HIVEP2: variants seen among roughly 807,000 people sequenced by gnomAD.
HIVEP2 encodes HIVEP zinc finger 2.
HIVEP2 carries 14 observed loss-of-function variants against 180.7 expected under a neutral mutation model. The observed-to-expected ratio is 0.08, with a 90% confidence interval of 0.05 to 0.12. The LOEUF (loss-of-function observed/expected upper bound fraction) is 0.12. HIVEP2 is among the 10% of genes least tolerant of loss of function. The pLI is 1.00. For missense variants in HIVEP2, 2,579 were observed against 3,008.5 expected (o/e 0.86, Z 3.34); for synonymous variants, 1,184 against 1,136.4 (o/e 1.04, Z -0.84).
intron 1 of HIVEP2, among the ~76,000 whole-genome samples, chr6:142,883,545 A>G (rs961406601): frequency 6.6e-6 from 1 of 152,156 alleles, no homozygotes; most frequent in Non-Finnish European, 1.5e-5. Flanking sequence ...CCTACACATA[A>G]AAGTGCAAAT....
chr6:142,826,946 G>A (rs573091679), intron 2 of HIVEP2, among the ~76,000 whole-genome samples: 3 of 152,242 alleles, frequency 2.0e-5, no homozygotes, highest in South Asian at 2.1e-4. Flanking sequence ...TTCAGCAAAC[G>A]TTTGTGGATT....
At chr6:142,807,111 G>A (rs959267262) in intron 2 of HIVEP2, among the ~76,000 whole-genome samples, 2 of 152,128 alleles carry the variant, frequency 1.3e-5, no homozygotes, top group African/African-American at 4.8e-5. Context: ...TAGAGGGGAT[G>A]GCAACCCAGG....
At chr6:142,942,366 A>T (rs4896608) in intron 1 of HIVEP2, among the ~76,000 whole-genome samples, 133,135 of 152,000 alleles carry the variant, frequency 0.88, 58,626 homozygotes, top group Middle Eastern at 0.95. Flanking sequence ...AAAGAGTCAA[A>T]CAGATCTTCT....
chr6:142,795,510 C>T (rs1265403911), intron 2 of HIVEP2, among the ~76,000 whole-genome samples: 1 of 152,104 alleles, frequency 6.6e-6, no homozygotes, highest in African/African-American at 2.4e-5. Context: ...CAATTTCTAT[C>T]AGACTTGCTC....
intron 3 of HIVEP2, among the ~76,000 whole-genome samples, chr6:142,780,697 A>G (rs1768373746): frequency 1.3e-5 from 2 of 152,228 alleles, no homozygotes; most frequent in Non-Finnish European, 2.9e-5. Flanking sequence ...ATAATCTATT[A>G]CTGAACATGG....
intron 1 of HIVEP2, among the ~76,000 whole-genome samples, chr6:142,883,779 G>C (rs1776632269): frequency 6.6e-6 from 1 of 152,080 alleles, no homozygotes; most frequent in East Asian, 1.9e-4. Context: ...TTTCTAATTA[G>C]ATGCATTGTG....
intron 1 of HIVEP2, among the ~76,000 whole-genome samples, chr6:142,867,433 G>A (rs554434243): frequency 4.5e-4 from 68 of 152,200 alleles, no homozygotes; most frequent in African/African-American, 1.6e-3. Flanking sequence ...AAAGTATCTG[G>A]CTTGAAGTGC....
intron 1 of HIVEP2, among the ~76,000 whole-genome samples, chr6:142,874,909 G>C (rs1174966751): frequency 6.6e-6 from 1 of 152,116 alleles, no homozygotes; most frequent in Non-Finnish European, 1.5e-5. Flanking sequence ...AGTGGTGAAT[G>C]AGTCAACAAA....
intron 1 of HIVEP2, among the ~76,000 whole-genome samples, chr6:142,886,691 G>T (rs960093176): frequency 1.3e-5 from 2 of 152,146 alleles, no homozygotes; most frequent in African/African-American, 4.8e-5. Flanking sequence ...ATTAGCCATA[G>T]AAATTTATCT....
At chr6:142,844,439 TG>T (rs1269363921) in intron 1 of HIVEP2, among the ~76,000 whole-genome samples, 1 of 152,216 alleles carries the variant, frequency 6.6e-6, no homozygotes, top group Non-Finnish European at 1.5e-5. Flanking sequence ...CTTTTCATCT[TG>T]GGAACTATGA....
At chr6:142,874,415 A>G (rs1057315988) in intron 1 of HIVEP2, among the ~76,000 whole-genome samples, 6 of 152,110 alleles carry the variant, frequency 3.9e-5, no homozygotes, top group African/African-American at 1.4e-4. Flanking sequence ...TCCCATATAA[A>G]TTAGTAAGCA....
chr6:142,943,991 G>A lies in HIVEP2; in HGVS notation c.-641+1108C>T, dbSNP rs1233283693. ...GACCCTCTCTCTTCTCCGCACTCCC[G>A]AGGTTAAAGTGCCCCCGTTCCCTTG... On this transcript the variant is annotated intron_variant, in intron 1 of 9. Coordinates refer to ENST00000367603, the MANE Select transcript of HIVEP2 (RefSeq NM_006734.4). This position sits in a 1 kb window ranked among gnomAD's most constrained non-coding sequence, Gnocchi z 4.5. Among the ~76,000 whole-genome samples, 1 of 152,136 alleles carries A rather than the reference G, an allele frequency of 6.6e-6. No homozygotes were observed. The highest frequency in any genetic ancestry group is 2.4e-5 in the African/African-American group (1 of 41,418).
In HIVEP2 at chr6:142,770,009, T is replaced by A. The variant is rs1291901438; in HGVS notation, c.4730A>T (p.Asp1577Val). The A allele has an allele frequency of 3.7e-6, 6 of 1,614,042 alleles. No homozygotes were observed. The highest frequency in any genetic ancestry group is 5.1e-6 in the Non-Finnish European group (6 of 1,180,042). ...DELDIDETAS[D>V]MSMSPQSSSL... ...AGAACTCTGTGGGCTCATGCTCATG[T>A]CCGATGCCGTCTCATCGATATCTAA... Residue 1577 changes from aspartate (D) to valine (V), a missense_variant, in exon 5 of 10, where the codon GAC becomes GTC. By Grantham distance (152) the Asp-to-Val change is radical. Coordinates refer to ENST00000367603, the MANE Select transcript of HIVEP2 (RefSeq NM_006734.4). The surrounding 1 kb of genome is among the most constrained non-coding windows in gnomAD (Gnocchi z 4.7).
chr6:142,773,708 T>C lies in HIVEP2; in HGVS notation c.1031A>G (p.Tyr344Cys), dbSNP rs780042094. The C allele has an allele frequency of 6.2e-7, 1 of 1,614,162 alleles. No individual in the cohort carries two copies. The highest frequency in any genetic ancestry group is 1.1e-5 in the South Asian group (1 of 91,084). Reference protein sequence around the residue: ...GIPLPNESSQYIGPDMLPNPS... With the variant: ...GIPLPNESSQCIGPDMLPNPS... ...ATTTGGTAGCATATCAGGGCCAATA[T>C]ACTGAGAGCTTTCATTAGGGAGAGG... The change falls in exon 5 of 10, where the codon TAT becomes TGT. Residue 344 changes from tyrosine to cysteine, a missense_variant. Physicochemically the swap from Tyr to Cys is radical, Grantham distance 194. Around this residue, in one of 11 missense-constraint regions of HIVEP2, gnomAD observed 142 missense variants for 135.2 expected, o/e 1.05. Transcript: ENST00000367603.
chr6:142,822,948 T>C (rs1777079223), intron 2 of HIVEP2, among the ~76,000 whole-genome samples: 1 of 152,170 alleles, frequency 6.6e-6, no homozygotes, highest in African/African-American at 2.4e-5. Context: ...CAGCTCCTGT[T>C]CCAGCCCCAC....
At chr6:142,893,692 T>C (rs12205042) in intron 1 of HIVEP2, among the ~76,000 whole-genome samples, 30,307 of 152,140 alleles carry the variant, frequency 0.2, 3,470 homozygotes, top group Middle Eastern at 0.26. Flanking sequence ...CAACCCTCTA[T>C]TCTATCCAGT....
chr6:142,756,807 A>C (rs1057197002), intron 9 of HIVEP2, among the ~76,000 whole-genome samples: 2 of 135,700 alleles, frequency 1.5e-5, no homozygotes, highest in Non-Finnish European at 3.0e-5. Flanking sequence ...TTATCTATCT[A>C]TCTATCTATC....
chr6:142,843,461 G>C (rs144250499), intron 1 of HIVEP2, among the ~76,000 whole-genome samples: 3 of 152,180 alleles, frequency 2.0e-5, no homozygotes, highest in African/African-American at 7.2e-5. Context: ...TAGAGTGGTC[G>C]CAAATGGCTT....
intron 6 of HIVEP2, 99 bp from the exon 7 acceptor site, chr6:142,765,073 G>C: frequency 1.8e-6 from 2 of 1,097,428 alleles, no homozygotes; most frequent in Non-Finnish European, 2.6e-6. Flanking sequence ...GTTTTATGAG[G>C]GTCTTTTGCA....
Sources: gnomAD v4.1 joint callset for allele counts (sites outside exome capture counted in the v4.1 genomes callset) on GRCh38, gnomAD v4.1.1 for gene constraint, gnomAD v4.1.1 regional missense constraint, Gnocchi (gnomAD v3.1) non-coding constraint, MANE v1.5 for transcripts, NCBI Gene and HGNC (gene_info 2026-07-23, HGNC 2026-07-21) for gene names.